Variants in RAB3IP observed in about 807,000 individuals in gnomAD.
RAB3IP encodes rab-3A-interacting protein.
A neutral mutation model predicts 59.1 loss-of-function variants in RAB3IP; 36 were observed. The ratio of observed to expected loss-of-function variants is 0.61; its 90% CI spans 0.47 to 0.80. RAB3IP has a LOEUF of 0.80. Among genes scored for constraint, RAB3IP ranks in the 30% least tolerant of loss-of-function variants. RAB3IP has a pLI of 0.00. For missense variants in RAB3IP, 511 were observed against 536.0 expected, an observed-to-expected ratio of 0.95 and a Z score of 0.46; for synonymous variants, 207 against 191.2, an observed-to-expected ratio of 1.08 and a Z score of -0.68.
intron 4 of RAB3IP, among the ~76,000 whole-genome samples, chr12:69,791,751 T>C (rs1876656576): frequency 6.6e-6 from 1 of 152,198 alleles, no homozygotes. Context: ...GAAAACAGTA[T>C]GGAAGTTTCT....
intron 4 of RAB3IP, among the ~76,000 whole-genome samples, chr12:69,788,387 A>C (rs535353486): frequency 1.3e-5 from 2 of 152,266 alleles, no homozygotes; most frequent in East Asian, 3.9e-4. Flanking sequence ...TACTGTTGGC[A>C]CTTGTGATAC....
rs1436556470 is a variant in RAB3IP, at chr12:69,818,884, G to T, written c.*3438G>T. Reference sequence around the variant, plus strand: ...AATGTTTTAGTCCCTGGGTTAGGTGGTGGGTTTTGGGGTGGTTCATTTGTC... The same window carrying T: ...AATGTTTTAGTCCCTGGGTTAGGTGTTGGGTTTTGGGGTGGTTCATTTGTC... On this transcript the variant is annotated 3_prime_UTR_variant, in exon 11 of 11. Transcript: ENST00000247833. 6.6e-6 allele frequency: 1 copy of T among 152,180 alleles called. No homozygotes were observed. Among genetic ancestry groups the T allele is most frequent in the African/African-American group, 2.4e-5 (1 of 41,418 alleles). 9.4% of individuals were successfully genotyped at this position (152,180 alleles called of 1,614,324 possible).
chr12:69,817,323 G>T lies in RAB3IP; in HGVS notation c.*1877G>T, dbSNP rs948897247. 6.6e-6 allele frequency: 1 copy of T among 151,848 alleles called. No homozygotes were observed. Among genetic ancestry groups the T allele is most frequent in the African/African-American group, 2.4e-5 (1 of 41,342 alleles). The allele number at this position is 151,848 out of a possible 1,614,324, so 9.4% of individuals were successfully genotyped here. Reference sequence around the variant, plus strand: ...TTTAAAATTAATGCAACAGGATGACGACTTGATGTAGAAACTATATGTGGA... The same window carrying T: ...TTTAAAATTAATGCAACAGGATGACTACTTGATGTAGAAACTATATGTGGA... On this transcript the variant is annotated 3_prime_UTR_variant, in exon 11 of 11. Transcript: ENST00000247833.
chr12:69,755,689 T>A (rs762976855), intron 2 of RAB3IP, 30 bp downstream of exon 2: 41 of 1,564,284 alleles, frequency 2.6e-5, no homozygotes, highest in African/African-American at 4.1e-5. Flanking sequence ...CTTATTTGAT[T>A]TTTTTTAAAA....
At chr12:69,811,848 C>T (rs116197967) in intron 8 of RAB3IP, among the ~76,000 whole-genome samples, 2,089 of 152,158 alleles carry the variant, frequency 0.014, 58 homozygotes, top group African/African-American at 0.047. Context: ...TCTTGTATCG[C>T]TAAAATGTAA....
intron 1 of RAB3IP, chr12:69,739,881 A>C (rs929959723): frequency 3.1e-6 from 5 of 1,613,792 alleles, no homozygotes; most frequent in Non-Finnish European, 2.5e-6. Flanking sequence ...TAAGGTCTTG[A>C]AAGACACGAG....
chr12:69,753,440 C>G (rs1869662037), intron 1 of RAB3IP, among the ~76,000 whole-genome samples: 1 of 152,148 alleles, frequency 6.6e-6, no homozygotes, highest in South Asian at 2.1e-4. Flanking sequence ...ATTGCCACCT[C>G]CTGGGTTCAA....
Position 69,795,283 on chromosome 12 carries a change from C to A in RAB3IP, c.827C>A (p.Ala276Asp). Residue 276 changes from alanine to aspartate, a missense_variant, in exon 6 of 11, where the codon GCT (alanine) becomes GAT (aspartate). Coordinates refer to ENST00000247833, the MANE Select transcript of RAB3IP (RefSeq NM_022456.5). ...ACAAGAAATAAAAGCACAAGCAGTG[C>A]TATGAGTGGCAGTCATCAGGACCTC... is the stretch of plus-strand genomic sequence containing the variant. ...GHTRNKSTSSAMSGSHQDLSV... is the reference protein window; with the variant it reads ...GHTRNKSTSSDMSGSHQDLSV... 5 of 1,614,058 alleles carry A rather than the reference C, an allele frequency of 3.1e-6. 1 individual carries two copies. Among genetic ancestry groups the A allele is most frequent in the Non-Finnish European group, 3.4e-6 (4 of 1,179,970 alleles).
intron 1 of RAB3IP, among the ~76,000 whole-genome samples, chr12:69,742,576 C>G (rs1181053111): frequency 1.3e-5 from 2 of 152,134 alleles, no homozygotes; most frequent in African/African-American, 4.8e-5. Flanking sequence ...GAGAGTAGGG[C>G]TTACCTCATT....
intron 3 of RAB3IP, among the ~76,000 whole-genome samples, chr12:69,762,483 C>A (rs1033732089): frequency 1.3e-5 from 2 of 152,048 alleles, no homozygotes; most frequent in Admixed American, 1.3e-4. Context: ...ATGAGCTGGG[C>A]GAAGTGGCTC....
At chr12:69,811,943 T>C (rs1233924663) in intron 8 of RAB3IP, 2 of 152,208 alleles carry the variant, frequency 1.3e-5, no homozygotes, top group African/African-American at 4.8e-5. Context: ...TAATTTTGCA[T>C]TGATGGGGAG....
intron 1 of RAB3IP, among the ~76,000 whole-genome samples, chr12:69,745,242 G>GTA (rs2136100900): frequency 6.6e-6 from 1 of 152,254 alleles, no homozygotes; most frequent in Non-Finnish European, 1.5e-5. Flanking sequence ...GTTAACTGCA[G>GTA]TACTTTTACA....
chr12:69,779,820 C>A (rs947196390), intron 3 of RAB3IP, among the ~76,000 whole-genome samples: 1 of 152,122 alleles, frequency 6.6e-6, no homozygotes, highest in Non-Finnish European at 1.5e-5. Context: ...TCACACATCT[C>A]CATCTTTTTA....
In RAB3IP at chr12:69,821,690, C is replaced by T. The variant is rs1408951961; in HGVS notation, c.*6244C>T. The stretch of plus-strand genomic sequence containing the variant: ...GGAAATCTAAAATCTGCATTTCAAG[C>T]TGCTCTTTTTTAAAATGTGCCGTTT... On this transcript the variant is annotated 3_prime_UTR_variant, in exon 11 of 11. Coordinates refer to ENST00000247833, the MANE Select transcript of RAB3IP (RefSeq NM_022456.5). 6.6e-6 allele frequency: 1 copy of T among 152,196 alleles called. No homozygotes were observed. Among genetic ancestry groups the T allele is most frequent in the East Asian group, 1.9e-4 (1 of 5,200 alleles). 9.4% of individuals were successfully genotyped at this position (152,196 alleles called of 1,614,324 possible).
chr12:69,739,970 T>A lies in RAB3IP; in HGVS notation c.-26+939T>A, dbSNP rs548873310. 241 of 1,109,348 alleles carry A rather than the reference T, an allele frequency of 2.2e-4. 1 individual carries two copies. In the African/African-American group the frequency reaches 3.5e-3, roughly 16 times the overall value. 68.7% of individuals were successfully genotyped at this position (1,109,348 alleles called of 1,614,324 possible). A position where few individuals can be genotyped will look rare whatever the true frequency, so the allele number is the denominator to read the frequency against. On this transcript the variant is annotated intron_variant, in intron 1 of 10. Coordinates refer to ENST00000247833, the MANE Select transcript of RAB3IP (RefSeq NM_022456.5). ...TTGCCTGTTCGGAGGCTACCTGTTA[T>A]ACACTCTCCTGTTTCACCCCAACTC... is the stretch of plus-strand genomic sequence containing the variant.
In RAB3IP at chr12:69,755,679, C is replaced by T; in HGVS notation, c.251+20C>T. ...TATCAGGTAGGAAATAAGTAAATCACTTATTTGATTTTTTTTAAAATGGAC... is the reference window on the plus strand; with the variant it reads ...TATCAGGTAGGAAATAAGTAAATCATTTATTTGATTTTTTTTAAAATGGAC... On this transcript the variant is annotated intron_variant, in intron 2 of 10. Transcript: ENST00000247833. 1.3e-6 allele frequency: 2 copies of T among 1,574,152 alleles called. No individual in the cohort carries two copies. The highest frequency in any genetic ancestry group is 2.3e-5 in the East Asian group (1 of 44,138).
chr12:69,764,856 C>A (rs1871941627), intron 3 of RAB3IP, among the ~76,000 whole-genome samples: 2 of 152,058 alleles, frequency 1.3e-5, no homozygotes, highest in African/African-American at 4.8e-5. Context: ...AGATCTTTCA[C>A]CCCCTTGGTT....
rs1341520771 is a variant in RAB3IP, at chr12:69,771,064, G to C, written c.511-13656G>C. Among the ~76,000 whole-genome samples, 9 of 152,090 alleles carry C rather than the reference G, an allele frequency of 5.9e-5. No homozygotes were observed. The East Asian group carries it at 1.7e-3, about 29-fold the overall frequency. On this transcript the variant is annotated intron_variant, in intron 3 of 10. Coordinates refer to ENST00000247833, the MANE Select transcript of RAB3IP (RefSeq NM_022456.5). ...GCTATTCTCTGCTCTACTTCTATGA[G>C]ATCAAATTTTTTAGATTTCACATAT...
chr12:69,755,721 A>G (rs1255266327), intron 2 of RAB3IP, 62 bp downstream of exon 2: 14 of 1,384,794 alleles, frequency 1.0e-5, no homozygotes, highest in East Asian at 4.7e-5. Context: ...CTTAGTTACT[A>G]TATTTTAAGT....
Sources: allele counts gnomAD v4.1 joint callset (sites outside exome capture counted in the v4.1 genomes callset), GRCh38; gene constraint gnomAD v4.1.1; transcripts MANE v1.5; gene names NCBI Gene and HGNC (gene_info 2026-07-23, HGNC 2026-07-21).